The following GBE1 variants were observed in gnomAD, a reference collection of about 807,000 sequenced individuals.
GBE1 encodes 1,4-alpha-glucan-branching enzyme.
GBE1 carries 70 observed loss-of-function variants against 88.8 expected under a neutral mutation model. The ratio of observed to expected loss-of-function variants is 0.79; its 90% CI spans 0.65 to 0.96. The LOEUF (loss-of-function observed/expected upper bound fraction) is 0.96. Among genes scored for constraint, GBE1 ranks in the 40% least tolerant of loss-of-function variants. The pLI is 0.00. For missense variants in GBE1, 872 were observed against 871.0 expected, an observed-to-expected ratio of 1.00 and a Z score of -0.01; for synonymous variants, 284 against 300.1, an observed-to-expected ratio of 0.95 and a Z score of 0.56.
At chr3:81,512,198 G>A (rs1275035266) in intron 14 of GBE1, among the ~76,000 whole-genome samples, 1 of 151,750 alleles carries the variant, frequency 6.6e-6, no homozygotes, top group African/African-American at 2.4e-5. Context: ...TACTAGAGCC[G>A]GGAGAGTGGG....
chr3:81,535,009 T>A (rs1703055856), intron 14 of GBE1, 186 bp downstream of exon 14: 1 of 565,252 alleles, frequency 1.8e-6, no homozygotes, highest in South Asian at 2.3e-5. Context: ...AGCTTAGGAA[T>A]AATTCAGTAT....
intron 7 of GBE1, among the ~76,000 whole-genome samples, chr3:81,625,094 AG>A (rs1206859059): frequency 1.8e-4 from 6 of 33,256 alleles, no homozygotes; most frequent in African/African-American, 2.9e-4. Context: ...GTTATGAGGG[AG>A]GGGGAGGGGG....
At chr3:81,744,134 C>T (rs1381813127) in intron 1 of GBE1, among the ~76,000 whole-genome samples, 1 of 151,960 alleles carries the variant, frequency 6.6e-6, no homozygotes, top group Non-Finnish European at 1.5e-5. Context: ...TTTCAAATAC[C>T]CACCTGCACT....
chr3:81,558,224 T>G (rs1703373591), intron 12 of GBE1, among the ~76,000 whole-genome samples: 1 of 152,040 alleles, frequency 6.6e-6, no homozygotes, highest in African/African-American at 2.4e-5. Context: ...TCTTTTATTA[T>G]AATTACCAAA....
At chr3:81,642,648 A>T in intron 7 of GBE1, 133 bp downstream of exon 7, 1 of 646,820 alleles carries the variant, frequency 1.5e-6, no homozygotes, top group Non-Finnish European at 2.7e-6. Context: ...AATCCCCTGT[A>T]CAACAAAAAT....
At chr3:81,689,915 G>A (rs1026071870) in intron 2 of GBE1, among the ~76,000 whole-genome samples, 22 of 152,140 alleles carry the variant, frequency 1.4e-4, no homozygotes, top group African/African-American at 5.3e-4. Flanking sequence ...CTTTGTGGAG[G>A]ATCCCTATTT....
chr3:81,588,550 C>T lies in GBE1; in HGVS notation c.1237-2360G>A, dbSNP rs565954196. Among the ~76,000 whole-genome samples the T allele has an allele frequency of 1.1e-4, 17 of 152,058 alleles. 1 individual carries two copies. The South Asian group carries it at 3.5e-3, about 32-fold the overall frequency. ...ATGGTAATCATGAAACCCAAACATC[C>T]CATAGACATATTTTTTTGGATAAAC... On this transcript the variant is annotated intron_variant, in intron 9 of 15. Transcript: ENST00000429644.
At chr3:81,613,141 C>T in intron 7 of GBE1, 1 of 324,492 alleles carries the variant, frequency 3.1e-6, no homozygotes, top group South Asian at 3.2e-5. Flanking sequence ...TGGGAGCAAG[C>T]TGCAGTCTTT....
At chr3:81,508,607 CCAAA>C (rs1702685289) in intron 14 of GBE1, among the ~76,000 whole-genome samples, 1 of 152,084 alleles carries the variant, frequency 6.6e-6, no homozygotes, top group African/African-American at 2.4e-5. Context: ...ACACCTTCCC[CCAAA>C]CAAACTTACT....
intron 7 of GBE1, among the ~76,000 whole-genome samples, chr3:81,620,185 AT>A (rs5850530): frequency 0.61 from 86,773 of 142,622 alleles, 27,150 homozygotes; most frequent in East Asian, 0.91. Context: ...CATGGAAATA[AT>A]TTTTTTTTTT....
At chr3:81,670,993 G>A in intron 2 of GBE1, 40 bp from the exon 3 acceptor site, 1 of 873,132 alleles carries the variant, frequency 1.1e-6, no homozygotes, top group Non-Finnish European at 1.7e-6. Flanking sequence ...CAGCATGATA[G>A]GACTAATAGT....
chr3:81,700,124 C>T (rs1054982711), intron 2 of GBE1, among the ~76,000 whole-genome samples: 9 of 151,966 alleles, frequency 5.9e-5, no homozygotes, highest in East Asian at 1.9e-4. Context: ...ACCACTACAG[C>T]GAAAATGAAC....
chr3:81,509,622 G>C (rs1702699255), intron 14 of GBE1: 1 of 151,538 alleles, frequency 6.6e-6, no homozygotes. Context: ...TCTGGCATTT[G>C]AGTGAGTGTC....
chr3:81,730,184 T>C (rs1431766773), intron 1 of GBE1, among the ~76,000 whole-genome samples: 1 of 152,116 alleles, frequency 6.6e-6, no homozygotes, highest in African/African-American at 2.4e-5. Flanking sequence ...TACTATGTGC[T>C]CCATCACCCA....
chr3:81,577,980 T>G lies in GBE1; in HGVS notation c.1563A>C (p.Lys521Asn), dbSNP rs199604848. 125 of 1,609,186 alleles carry G rather than the reference T, an allele frequency of 7.8e-5. No individual in the cohort carries two copies. The highest frequency in any genetic ancestry group is 1.0e-4 in the Non-Finnish European group (123 of 1,178,212). Reference protein sequence around the residue: ...PVIDRGIQLHKMIRLITHGLG... With the variant: ...PVIDRGIQLHNMIRLITHGLG... ...GCCCATGCGTAATGAGTCGAATCATTTTATGAAGCTGTATTCCACGATCAA... is the reference window on the plus strand; with the variant it reads ...GCCCATGCGTAATGAGTCGAATCATGTTATGAAGCTGTATTCCACGATCAA... The change falls in exon 12 of 16, where the codon AAA becomes AAC. Residue 521 changes from lysine (K) to asparagine (N), a missense_variant. By Grantham distance (94) the Lys-to-Asn change is moderately conservative. Coordinates refer to ENST00000429644, the MANE Select transcript of GBE1 (RefSeq NM_000158.4).
chr3:81,617,703 T>C (rs1429338867), intron 7 of GBE1, among the ~76,000 whole-genome samples: 2 of 152,066 alleles, frequency 1.3e-5, no homozygotes, highest in Non-Finnish European at 2.9e-5. Flanking sequence ...TTTATCTGGT[T>C]CTAATATTAG....
At chr3:81,604,079 A>G (rs537363360) in intron 7 of GBE1, among the ~76,000 whole-genome samples, 2 of 152,238 alleles carry the variant, frequency 1.3e-5, no homozygotes, top group South Asian at 4.1e-4. Context: ...TATGAATGCC[A>G]TGTGAGAGAC....
chr3:81,495,661 T>C (rs1413254727), intron 15 of GBE1, among the ~76,000 whole-genome samples: 1 of 152,214 alleles, frequency 6.6e-6, no homozygotes, highest in Non-Finnish European at 1.5e-5. Context: ...TTAGCTCATC[T>C]AACTTGTATA....
chr3:81,607,092 T>C (rs1215754268), intron 7 of GBE1, among the ~76,000 whole-genome samples: 1 of 152,166 alleles, frequency 6.6e-6, no homozygotes, highest in African/African-American at 2.4e-5. Flanking sequence ...TTTTGGTCAA[T>C]CATGCACAGA....
Sources: gnomAD v4.1 joint callset for allele counts (sites outside exome capture counted in the v4.1 genomes callset) on GRCh38, gnomAD v4.1.1 for gene constraint, MANE v1.5 for transcripts, NCBI Gene and HGNC (gene_info 2026-07-23, HGNC 2026-07-21) for gene names.